SIPA1L2: variants seen among roughly 807,000 people sequenced by gnomAD.
SIPA1L2 encodes the protein signal induced proliferation associated 1 like 2.
In SIPA1L2, 56 loss-of-function variants were observed where a neutral mutation model predicts 163.9. That is an observed-to-expected ratio of 0.34 (90% CI 0.28 to 0.43). The LOEUF is 0.43. SIPA1L2 is among the 20% of genes least tolerant of loss of function. SIPA1L2 has a pLI of 1.00. For synonymous variants in SIPA1L2, 877 were observed against 865.7 expected (o/e 1.01, Z -0.23); for missense variants, 1,974 against 2,193.5 (o/e 0.90, Z 2.00).
At chr1:232,597,756 C>T (rs977999619) in intron 1 of SIPA1L2, among the ~76,000 whole-genome samples, 9 of 151,170 alleles carry the variant, frequency 6.0e-5, no homozygotes, top group Admixed American at 5.3e-4. Flanking sequence ...TCACTCAGGC[C>T]CCTACTGTGA....
intron 2 of SIPA1L2, among the ~76,000 whole-genome samples, chr1:232,536,661 C>T (rs570333315): frequency 6.6e-6 from 1 of 152,212 alleles, no homozygotes; most frequent in Non-Finnish European, 1.5e-5. Flanking sequence ...ATAAAACAAA[C>T]AAACAAAACG....
At chr1:232,611,045 T>C (rs1003422581) in intron 1 of SIPA1L2, among the ~76,000 whole-genome samples, 14 of 152,076 alleles carry the variant, frequency 9.2e-5, no homozygotes, top group African/African-American at 3.1e-4. Context: ...GTTTGAATCA[T>C]GGGGCGGCTT....
chr1:232,564,149 CGTGT>C (rs560949113), intron 2 of SIPA1L2, among the ~76,000 whole-genome samples: 770 of 44,604 alleles, frequency 0.017, 84 homozygotes, highest in East Asian at 0.041. Context: ...TTTTTTTTTT[CGTGT>C]GTGTGTGTGT....
chr1:232,529,847 A>T (rs909021814), intron 2 of SIPA1L2, among the ~76,000 whole-genome samples: 1 of 152,198 alleles, frequency 6.6e-6, no homozygotes, highest in Non-Finnish European at 1.5e-5. Context: ...AGGCAAGAGA[A>T]AGCCGTAAGA....
chr1:232,401,817 TGC>T (rs1225557499), intron 22 of SIPA1L2, among the ~76,000 whole-genome samples: 1 of 152,232 alleles, frequency 6.6e-6, no homozygotes, highest in Non-Finnish European at 1.5e-5. Flanking sequence ...CTTCCTGTGA[TGC>T]CCTCCCGCTT....
intron 5 of SIPA1L2, among the ~76,000 whole-genome samples, chr1:232,487,565 T>C (rs1665705370): frequency 6.6e-6 from 1 of 152,314 alleles, no homozygotes; most frequent in East Asian, 1.9e-4. Context: ...AATAACACTT[T>C]GTTTACAGTC....
chr1:232,575,340 T>C (rs556875364), intron 1 of SIPA1L2, among the ~76,000 whole-genome samples: 1 of 152,268 alleles, frequency 6.6e-6, no homozygotes, highest in Non-Finnish European at 1.5e-5. Flanking sequence ...ACAGCGTTCC[T>C]TTCACTTTGA....
intron 1 of SIPA1L2, among the ~76,000 whole-genome samples, chr1:232,605,549 C>T (rs1189718281): frequency 2.0e-5 from 3 of 152,090 alleles, no homozygotes; most frequent in Non-Finnish European, 2.9e-5. Context: ...ACAAAATTAG[C>T]CGGGCATGGT....
At chr1:232,480,162 T>TGTGCGTGTGTGTGTGTGC (rs1553296493) in intron 6 of SIPA1L2, among the ~76,000 whole-genome samples, 4 of 131,640 alleles carry the variant, frequency 3.0e-5, no homozygotes, top group African/African-American at 1.2e-4. Flanking sequence ...TGCGTGTGTG[T>TGTGCGTGTGTGTGTGTGC]GTGTGTGTGT....
chr1:232,510,181 A>C (rs1407979048), intron 3 of SIPA1L2, among the ~76,000 whole-genome samples: 1 of 152,106 alleles, frequency 6.6e-6, no homozygotes, highest in African/African-American at 2.4e-5. Context: ...AATAAGGGGA[A>C]ATGTCTGATA....
intron 3 of SIPA1L2, 55 bp downstream of exon 3, chr1:232,513,802 G>T: frequency 6.6e-7 from 1 of 1,507,818 alleles, no homozygotes. Flanking sequence ...CATTGTGACT[G>T]GTTCTTAAAA....
chr1:232,545,983 C>T (rs1378482945), intron 2 of SIPA1L2, among the ~76,000 whole-genome samples: 2 of 152,212 alleles, frequency 1.3e-5, no homozygotes, highest in Non-Finnish European at 2.9e-5. Context: ...CCTTCTCTTT[C>T]TGGTGTCACT....
At chr1:232,620,729 T>A (rs1369416832) in intron 1 of SIPA1L2, among the ~76,000 whole-genome samples, 1 of 152,248 alleles carries the variant, frequency 6.6e-6, no homozygotes, top group African/African-American at 2.4e-5. Context: ...CTGCCAGTTT[T>A]AAACAAATTG....
chr1:232,605,512 C>T (rs1479333285), intron 1 of SIPA1L2, among the ~76,000 whole-genome samples: 4 of 152,124 alleles, frequency 2.6e-5, no homozygotes, highest in East Asian at 3.9e-4. Flanking sequence ...CTGGCCAACA[C>T]GGTGAAACTC....
chr1:232,596,838 A>C (rs778039788), intron 1 of SIPA1L2, among the ~76,000 whole-genome samples: 1 of 152,172 alleles, frequency 6.6e-6, no homozygotes, highest in African/African-American at 2.4e-5. Flanking sequence ...TCCACTCCTG[A>C]GAAGTGCAGG....
intron 7 of SIPA1L2, among the ~76,000 whole-genome samples, chr1:232,473,138 A>T (rs1300691198): frequency 1.3e-5 from 2 of 152,266 alleles, no homozygotes; most frequent in Admixed American, 1.3e-4. Flanking sequence ...GCATGTAAAT[A>T]ATCAGTGAAA....
At chr1:232,623,400 T>C (rs1375533889) in intron 1 of SIPA1L2, among the ~76,000 whole-genome samples, 1 of 152,046 alleles carries the variant, frequency 6.6e-6, no homozygotes, top group African/African-American at 2.4e-5. Context: ...GGTCAGGAGA[T>C]CGAGACCATC....
intron 2 of SIPA1L2, among the ~76,000 whole-genome samples, chr1:232,534,968 T>C (rs984384022): frequency 3.9e-5 from 6 of 152,238 alleles, no homozygotes; most frequent in African/African-American, 1.4e-4. Flanking sequence ...TTGTAACTGG[T>C]AGCTTTATAC....
intron 18 of SIPA1L2, 31 bp from the exon 19 acceptor site, chr1:232,415,656 A>T: frequency 3.1e-6 from 5 of 1,613,412 alleles, no homozygotes; most frequent in Non-Finnish European, 4.2e-6. Flanking sequence ...AGAGTCAGTC[A>T]TCAGTCACAG....
Sources: allele counts gnomAD v4.1 joint callset (sites outside exome capture counted in the v4.1 genomes callset), GRCh38; gene constraint gnomAD v4.1.1; transcripts MANE v1.5; gene names NCBI Gene and HGNC (gene_info 2026-07-23, HGNC 2026-07-21).